NXNL2: variants seen among roughly 807,000 people sequenced by gnomAD.
The protein encoded by NXNL2 is nucleoredoxin like 2, also known as nucleoredoxin-like protein 2.
A neutral mutation model predicts 11.1 loss-of-function variants in NXNL2; 7 were observed. The observed-to-expected ratio is 0.63, with a 90% CI of 0.36 to 1.18. The LOEUF (loss-of-function observed/expected upper bound fraction) is 1.18, where lower values mean the gene tolerates loss of function less well. Ranked by LOEUF, NXNL2 falls within the 50% of genes most tolerant of loss-of-function variation. NXNL2 has a pLI of 0.02. For synonymous variants in NXNL2, 109 were observed against 101.8 expected (o/e 1.07, Z -0.42); for missense variants, 233 against 217.7 (o/e 1.07, Z -0.44).
At chr9:88,557,039 C>T (rs1005195636) in intron 1 of NXNL2, among the ~76,000 whole-genome samples, 2 of 145,838 alleles carry the variant, frequency 1.4e-5, no homozygotes, top group African/African-American at 2.6e-5. Context: ...CAAGATCATG[C>T]CACTGCATTC....
intron 1 of NXNL2, among the ~76,000 whole-genome samples, chr9:88,538,563 A>T (rs1829679001): frequency 6.6e-6 from 1 of 152,160 alleles, no homozygotes; most frequent in Non-Finnish European, 1.5e-5. Context: ...CGGTGGCAGA[A>T]TGGCTGCTGT....
At chr9:88,537,719 G>T (rs1829659520) in intron 1 of NXNL2, among the ~76,000 whole-genome samples, 1 of 152,170 alleles carries the variant, frequency 6.6e-6, no homozygotes, top group African/African-American at 2.4e-5. Context: ...CAACTCTCCG[G>T]GGGTTTCCTG....
intron 1 of NXNL2, 114 bp downstream of exon 1, chr9:88,535,850 C>G (rs529858122): frequency 3.7e-6 from 3 of 804,382 alleles, no homozygotes; most frequent in African/African-American, 3.5e-5. Context: ...CAACACCTCC[C>G]CGTCTCTCGG....
At chr9:88,567,327 C>T (rs2118520037) in intron 1 of NXNL2, among the ~76,000 whole-genome samples, 1 of 152,210 alleles carries the variant, frequency 6.6e-6, no homozygotes, top group East Asian at 1.9e-4. Context: ...TTAGTACAGA[C>T]AGGGTTTCAC....
At chr9:88,541,894 T>C (rs1020649243) in intron 1 of NXNL2, among the ~76,000 whole-genome samples, 3 of 152,180 alleles carry the variant, frequency 2.0e-5, no homozygotes, top group Non-Finnish European at 4.4e-5. Context: ...CGTTACTATT[T>C]CCCATATAAC....
At chr9:88,573,001 A>G (rs139722470) in intron 2 of NXNL2, among the ~76,000 whole-genome samples, 42 of 152,278 alleles carry the variant, frequency 2.8e-4, no homozygotes, top group African/African-American at 9.9e-4. Flanking sequence ...ATCTTGCTCA[A>G]TCCCATTAAT....
At chr9:88,566,973 CATCT>C (rs371496393) in intron 1 of NXNL2, among the ~76,000 whole-genome samples, 10,975 of 123,446 alleles carry the variant, frequency 0.089, 477 homozygotes, top group Non-Finnish European at 0.099. Context: ...TATTATCTAT[CATCT>C]ATCTATCTAT....
intron 1 of NXNL2, among the ~76,000 whole-genome samples, chr9:88,543,611 C>T (rs1276084681): frequency 6.6e-6 from 1 of 152,094 alleles, no homozygotes; most frequent in African/African-American, 2.4e-5. Flanking sequence ...TTTTTCAACC[C>T]CTTGAGATGT....
At chr9:88,575,653 A>C (rs1182016290) in exon 3 of NXNL2, 1 of 152,194 alleles carries the variant, frequency 6.6e-6, no homozygotes, top group Non-Finnish European at 1.5e-5. Context: ...AATAGGTACA[A>C]AAAAATACAA....
chr9:88,575,798 C>T (rs1830342025), downstream of NXNL2: 1 of 152,140 alleles, frequency 6.6e-6, no homozygotes. Context: ...GATGAATACT[C>T]CGATTCTTCA....
chr9:88,548,134 T>A (rs1334689919), downstream of NXNL2, among the ~76,000 whole-genome samples: 3 of 138,780 alleles, frequency 2.2e-5, no homozygotes, highest in Non-Finnish European at 4.6e-5. Context: ...AGGTCAGGAG[T>A]TCAAGACCAG....
intron 1 of NXNL2, among the ~76,000 whole-genome samples, chr9:88,540,041 G>A (rs1829715892): frequency 6.6e-6 from 1 of 151,820 alleles, no homozygotes; most frequent in African/African-American, 2.4e-5. Flanking sequence ...TTAAATTTTA[G>A]GTGTTGTGCG....
intron 2 of NXNL2, among the ~76,000 whole-genome samples, chr9:88,572,906 G>A (rs1025050704): frequency 2.0e-5 from 3 of 152,202 alleles, no homozygotes; most frequent in African/African-American, 7.2e-5. Flanking sequence ...TGTCCCACAA[G>A]AGGCCATTGT....
rs1411459650 is a variant in NXNL2, at chr9:88,544,525, T to A, written c.449T>A (p.Ile150Asn). The part of the protein sequence containing the change: ...CFQDWVEAAD[I>N]FQNFSV ...CAGGACTGGGTGGAGGCGGCCGATA[T>A]CTTCCAGAATTTCTCCGTTTGAAGT... Residue 150 changes from isoleucine (I) to asparagine (N), a missense_variant, in exon 2 of 2, where the codon ATC (isoleucine) becomes AAC (asparagine). By Grantham distance (149) the Ile-to-Asn change is moderately radical. Transcript: ENST00000375854. 1 of 1,542,348 alleles carries A rather than the reference T, an allele frequency of 6.5e-7. No homozygotes were observed.
At chr9:88,542,756 C>T (rs1200234652) in intron 1 of NXNL2, among the ~76,000 whole-genome samples, 1 of 152,182 alleles carries the variant, frequency 6.6e-6, no homozygotes, top group African/African-American at 2.4e-5. Context: ...TATTCTCTCT[C>T]TGTTGAGCGT....
chr9:88,563,377 C>T (rs893086122), intron 1 of NXNL2, among the ~76,000 whole-genome samples: 1 of 152,184 alleles, frequency 6.6e-6, no homozygotes, highest in African/African-American at 2.4e-5. Flanking sequence ...TCCTGACTTC[C>T]CATAGCTCAG....
At chr9:88,572,056 C>T (rs904025617) in intron 2 of NXNL2, among the ~76,000 whole-genome samples, 3 of 152,292 alleles carry the variant, frequency 2.0e-5, no homozygotes, top group South Asian at 2.1e-4. Context: ...CCAGAGAAGG[C>T]GGTTTCTCCC....
intron 1 of NXNL2, among the ~76,000 whole-genome samples, chr9:88,552,828 T>C (rs141702917): frequency 1.3e-3 from 199 of 152,302 alleles, no homozygotes; most frequent in African/African-American, 4.3e-3. Flanking sequence ...TTCAAAGTTA[T>C]TTCCACAATA....
intron 1 of NXNL2, among the ~76,000 whole-genome samples, chr9:88,552,764 C>A (rs1007342636): frequency 6.6e-6 from 1 of 152,064 alleles, no homozygotes; most frequent in Non-Finnish European, 1.5e-5. Flanking sequence ...CCACCGCGCC[C>A]GGTGAAACAT....
Sources: gnomAD v4.1 joint callset for allele counts (sites outside exome capture counted in the v4.1 genomes callset) on GRCh38, gnomAD v4.1.1 for gene constraint, MANE v1.5 for transcripts, NCBI Gene and HGNC (gene_info 2026-07-23, HGNC 2026-07-21) for gene names.